The following HBP1 variants were observed in gnomAD, a reference collection of about 807,000 sequenced individuals.
HBP1 encodes HMG box-containing protein 1.
Under a neutral mutation model 62.6 loss-of-function variants are expected in HBP1, and 20 were observed. The ratio of observed to expected loss-of-function variants is 0.32; its 90% CI spans 0.22 to 0.46. HBP1 has a LOEUF of 0.46. Among genes scored for constraint, HBP1 ranks in the 20% least tolerant of loss-of-function variants. HBP1 has a pLI of 1.00. For synonymous variants in HBP1, 232 were observed against 206.2 expected (o/e 1.12, Z -1.07); for missense variants, 480 against 611.8 (o/e 0.78, Z 2.27).
chr7:107,179,357 T>C (rs1484257309), intron 1 of HBP1, among the ~76,000 whole-genome samples: 3 of 152,222 alleles, frequency 2.0e-5, no homozygotes, highest in East Asian at 1.9e-4. Flanking sequence ...AAGATATTAA[T>C]CTTTTGGGAT....
chr7:107,171,073 A>ATATATATATATATATATATATATATTTTT, intron 1 of HBP1, among the ~76,000 whole-genome samples: 1 of 87,194 alleles, frequency 1.1e-5, no homozygotes, highest in African/African-American at 6.6e-5. Context: ...ATATATATAT[A>ATATATATATATATATATATATATATTTTT]TTTTTTTTTT....
At chr7:107,178,849 A>G (rs1048953576) in intron 1 of HBP1, among the ~76,000 whole-genome samples, 2 of 152,154 alleles carry the variant, frequency 1.3e-5, no homozygotes, top group African/African-American at 2.4e-5. Context: ...CCTGGCCAAC[A>G]TGGTGAAACC....
chr7:107,197,414 G>T (rs1264411649), intron 9 of HBP1, among the ~76,000 whole-genome samples: 1 of 152,164 alleles, frequency 6.6e-6, no homozygotes, highest in East Asian at 1.9e-4. Context: ...TGTCATCCAG[G>T]CTGGAGTGTA....
At chr7:107,171,889 C>A (rs926387958) in intron 1 of HBP1, among the ~76,000 whole-genome samples, 4 of 148,346 alleles carry the variant, frequency 2.7e-5, no homozygotes, top group Middle Eastern at 3.5e-3. Context: ...GAGTCAATGC[C>A]AGGAATTTTA....
chr7:107,200,026 C>T (rs973279537), intron 9 of HBP1, 134 bp from the exon 10 acceptor site: 1 of 638,638 alleles, frequency 1.6e-6, no homozygotes, highest in Non-Finnish European at 2.6e-6. Flanking sequence ...ATGGCCTTGA[C>T]CTTTTCCCAT....
Position 107,190,264 on chromosome 7 carries a change from A to G in HBP1, c.1014A>G (p.Gly338=). 6.2e-7 allele frequency: 1 copy of G among 1,611,582 alleles called. No individual in the cohort carries two copies. The highest frequency in any genetic ancestry group is 8.5e-7 in the Non-Finnish European group (1 of 1,177,914). ...TTGGCGATGTATGTCTACCTCCTGG[A>G]CACCCCGATGCCATTAATTTTGATG... is the stretch of plus-strand genomic sequence containing the variant. The part of the protein sequence containing the change: ...VHIGDVCLPP[G]HPDAINFDDS... Residue 338 remains glycine (G), a synonymous_variant, in exon 8 of 11, where the codon GGA becomes GGG. Transcript: ENST00000222574.
At chr7:107,187,166 T>C (rs565027957) in intron 6 of HBP1, among the ~76,000 whole-genome samples, 12 of 152,198 alleles carry the variant, frequency 7.9e-5, no homozygotes, top group African/African-American at 2.9e-4. Flanking sequence ...GGCAGGAGAA[T>C]GGTGTGAACC....
In HBP1 at chr7:107,196,373, A is replaced by AT. The variant is rs1290604994; in HGVS notation, c.1385+224dup. On this transcript the variant is annotated intron_variant, in intron 9 of 10. Transcript: ENST00000222574. The stretch of plus-strand genomic sequence containing the variant: ...AACCTCCGCCTTCCAGGTTCAAGTG[A>AT]TTATCCTGCCTCAGCCTCTCAAGTA... 6.2e-5 allele frequency: 33 copies of AT among 530,988 alleles called. 1 individual carries two copies. The highest frequency in any genetic ancestry group is 1.1e-4 in the Non-Finnish European group (32 of 283,808). The allele number at this position is 530,988 out of a possible 1,614,324, so 32.9% of individuals were successfully genotyped here. A position where few individuals can be genotyped will look rare whatever the true frequency, so the allele number is the denominator to read the frequency against.
intron 1 of HBP1, among the ~76,000 whole-genome samples, chr7:107,173,869 T>G (rs907742463): frequency 6.6e-6 from 1 of 152,180 alleles, no homozygotes; most frequent in African/African-American, 2.4e-5. Context: ...TTGAATCTGA[T>G]ACCAAAGCAG....
At chr7:107,169,768 A>C (rs768859002) in intron 1 of HBP1, 37 of 980,752 alleles carry the variant, frequency 3.8e-5, no homozygotes, top group Admixed American at 6.3e-5. Flanking sequence ...GGCTGAGCCG[A>C]GGGGAAAAAC....
At chr7:107,188,191 C>T (rs1797479905) in intron 6 of HBP1, among the ~76,000 whole-genome samples, 1 of 152,210 alleles carries the variant, frequency 6.6e-6, no homozygotes, top group African/African-American at 2.4e-5. Context: ...CCTTCACCTG[C>T]ACATTTCCAG....
chr7:107,177,291 G>A (rs866875814), intron 1 of HBP1, among the ~76,000 whole-genome samples: 2 of 152,132 alleles, frequency 1.3e-5, no homozygotes, highest in East Asian at 1.9e-4. Context: ...ATCAAAACCC[G>A]TTTCCTTACA....
At position 107,189,405 on chromosome 7, in the gene HBP1, C is replaced by T. The variant is rs41276184; in HGVS notation, c.879C>T (p.Thr293=). 2.7e-3 allele frequency: 4,308 copies of T among 1,612,206 alleles called. 10 individuals are homozygous for T. Among genetic ancestry groups the T allele is most frequent in the Admixed American group, 3.5e-3 (212 of 59,958 alleles). ...DPGTVEDGLL[T]VECKLDHPFY... ...GTACAGTAGAAGATGGTTTACTTAC[C>T]GTAGAGTGTAAGCTGGACCACCCTT... Residue 293 remains threonine (T), a synonymous_variant, in exon 7 of 11, where the codon ACC becomes ACT. Coordinates refer to ENST00000222574, the MANE Select transcript of HBP1 (RefSeq NM_012257.4).
rs890863976 is a variant in HBP1, at chr7:107,202,138, T to G, written c.*707T>G. On this transcript the variant is annotated 3_prime_UTR_variant, in exon 11 of 11. Transcript: ENST00000222574. ...GTTAATAGCATTGGGATATAGTCAC[T>G]GTAATGGTGCTATTAACAAACAGTC... 2 of 152,712 alleles carry G rather than the reference T, an allele frequency of 1.3e-5. No individual in the cohort carries two copies. Among genetic ancestry groups the G allele is most frequent in the African/African-American group, 2.4e-5 (1 of 41,480 alleles). 9.5% of individuals were successfully genotyped at this position (152,712 alleles called of 1,614,324 possible).
chr7:107,199,826 A>G (rs1002380356), intron 9 of HBP1, among the ~76,000 whole-genome samples: 8 of 152,224 alleles, frequency 5.3e-5, no homozygotes, highest in African/African-American at 1.9e-4. Context: ...TTCTCTTGAG[A>G]GAGAAATAGT....
chr7:107,196,541 T>A lies in HBP1; in HGVS notation c.1385+390T>A, dbSNP rs1262508168. On this transcript the variant is annotated intron_variant, in intron 9 of 10. Transcript: ENST00000222574. ...CCTTGGCCTCCTAAAGTGCCGTGATTACAGGCGTGAGCCACTGTGCCCGGC... is the reference window on the plus strand; with the variant it reads ...CCTTGGCCTCCTAAAGTGCCGTGATAACAGGCGTGAGCCACTGTGCCCGGC... 5 of 302,210 alleles carry A rather than the reference T, an allele frequency of 1.7e-5. No individual in the cohort carries two copies. In the Admixed American group the frequency reaches 2.5e-4, roughly 15 times the overall value. The allele number at this position is 302,210 out of a possible 1,614,324, so 18.7% of individuals were successfully genotyped here.
At chr7:107,191,988 G>C (rs1797676549) in intron 8 of HBP1, among the ~76,000 whole-genome samples, 1 of 152,098 alleles carries the variant, frequency 6.6e-6, no homozygotes, top group African/African-American at 2.4e-5. Context: ...GGTGAAGTCT[G>C]AGGGAAGCCA....
intron 8 of HBP1, chr7:107,192,826 G>A (rs1797718211): frequency 6.6e-6 from 1 of 152,176 alleles, no homozygotes; most frequent in African/African-American, 2.4e-5. Flanking sequence ...GTGGAAATGG[G>A]TGGTATCATC....
chr7:107,175,694 C>T (rs934346889), intron 1 of HBP1, among the ~76,000 whole-genome samples: 1 of 151,070 alleles, frequency 6.6e-6, no homozygotes, highest in African/African-American at 2.4e-5. Context: ...GAGTTTCTCT[C>T]ATTGGGAGAC....
Sources: allele counts gnomAD v4.1 joint callset (sites outside exome capture counted in the v4.1 genomes callset), GRCh38; gene constraint gnomAD v4.1.1; transcripts MANE v1.5; gene names NCBI Gene and HGNC (gene_info 2026-07-23, HGNC 2026-07-21).